Variants in PPP6R2 observed in about 807,000 individuals in gnomAD.
PPP6R2 encodes serine/threonine-protein phosphatase 6 regulatory subunit 2.
In PPP6R2, 62 loss-of-function variants were observed where a neutral mutation model predicts 100.2. That is an observed-to-expected ratio of 0.62 (90% CI 0.50 to 0.76). The LOEUF is 0.76. Ranked by LOEUF, PPP6R2 falls within the 30% of genes least tolerant of loss-of-function variation. PPP6R2 has a pLI of 0.00. For synonymous variants in PPP6R2, 525 were observed against 514.7 expected (o/e 1.02, Z -0.27); for missense variants, 1,142 against 1,276.3 (o/e 0.89, Z 1.60).
the PPP6R2 span, among the ~76,000 whole-genome samples, chr22:50,337,929 G>GTATA: frequency 7.2e-6 from 1 of 139,544 alleles, no homozygotes; most frequent in African/African-American, 2.7e-5. Flanking sequence ...TGGTGTGTGG[G>GTATA]GTGTGTGCAT....
chr22:50,335,255 G>A, the PPP6R2 span, among the ~76,000 whole-genome samples: 1 of 147,322 alleles, frequency 6.8e-6, no homozygotes, highest in African/African-American at 2.5e-5. Context: ...AGTAGAGATG[G>A]GTTTTCACCG....
intron 4 of PPP6R2, among the ~76,000 whole-genome samples, chr22:50,413,669 T>TCCCCCCTCC (rs2060076683): frequency 1.5e-4 from 16 of 104,090 alleles, no homozygotes; most frequent in East Asian, 4.5e-4. Context: ...CCTCCTCCCC[T>TCCCCCCTCC]ACCCCCTCCT....
At chr22:50,371,619 A>G (rs989325176) in intron 1 of PPP6R2, among the ~76,000 whole-genome samples, 4 of 151,738 alleles carry the variant, frequency 2.6e-5, no homozygotes, top group African/African-American at 9.7e-5. Flanking sequence ...ATGCTGTTCC[A>G]TTGCTTTATT....
At chr22:50,342,981 A>T (rs2042577464), upstream of PPP6R2, among the ~76,000 whole-genome samples, 1 of 152,160 alleles carries the variant, frequency 6.6e-6, no homozygotes, top group Non-Finnish European at 1.5e-5. Flanking sequence ...CCACGGGGGA[A>T]ACCCCTGCCC....
intron 10 of PPP6R2, among the ~76,000 whole-genome samples, chr22:50,430,802 A>C (rs1025531467): frequency 6.7e-6 from 1 of 148,486 alleles, no homozygotes; most frequent in Non-Finnish European, 1.5e-5. Flanking sequence ...TGAACCCAGG[A>C]GGCAGGGGTT....
the PPP6R2 span, among the ~76,000 whole-genome samples, chr22:50,335,757 A>G: frequency 7.3e-6 from 1 of 137,254 alleles, no homozygotes; most frequent in African/African-American, 2.9e-5. Flanking sequence ...CTCACTGCAA[A>G]CTCCACCTCC....
At chr22:50,361,317 C>T (rs1355905409) in intron 1 of PPP6R2, among the ~76,000 whole-genome samples, 1 of 152,174 alleles carries the variant, frequency 6.6e-6, no homozygotes, top group Non-Finnish European at 1.5e-5. Flanking sequence ...AGTTCTAGAA[C>T]GGATACTTAC....
At chr22:50,382,351 C>G (rs1209309717) in intron 2 of PPP6R2, among the ~76,000 whole-genome samples, 1 of 151,796 alleles carries the variant, frequency 6.6e-6, no homozygotes, top group Non-Finnish European at 1.5e-5. Context: ...GTAATCCCAG[C>G]ACTTTGGGAG....
intron 13 of PPP6R2, among the ~76,000 whole-genome samples, chr22:50,435,485 G>T (rs556748001): frequency 7.2e-5 from 11 of 152,318 alleles, no homozygotes; most frequent in African/African-American, 2.6e-4. Context: ...TCTCACTCAG[G>T]TGTGAGATTT....
the PPP6R2 span, among the ~76,000 whole-genome samples, chr22:50,334,308 C>T: frequency 6.6e-6 from 1 of 152,364 alleles, no homozygotes; most frequent in African/African-American, 2.4e-5. Context: ...CCTCTAGAGG[C>T]CCTGTCCGGG....
At position 50,393,977 on chromosome 22, in the gene PPP6R2, G is replaced by T. The variant is rs756157196; in HGVS notation, c.69G>T (p.Thr23=). 3.1e-6 allele frequency: 5 copies of T among 1,614,182 alleles called. No homozygotes were observed. Among genetic ancestry groups the T allele is most frequent in the Non-Finnish European group, 4.2e-6 (5 of 1,180,040 alleles). Residue 23 remains threonine, a synonymous_variant, in exon 3 of 24, where the codon ACG becomes ACT. Transcript: ENST00000612753. ...VDKLLDKEHV[T]LQELMDEDDI... is the part of the protein sequence containing the mutation. ...AGCTGCTGGACAAGGAGCATGTGAC[G>T]CTGCAGGAGTTAATGGATGAAGATG...
intron 1 of PPP6R2, among the ~76,000 whole-genome samples, chr22:50,366,761 C>T (rs571836283): frequency 2.6e-5 from 4 of 152,284 alleles, no homozygotes; most frequent in East Asian, 1.9e-4. Context: ...CCTGTGAACT[C>T]GAGCTACCTT....
Position 50,444,297 on chromosome 22 carries a change from T to A in PPP6R2, c.*50T>A. The A allele has an allele frequency of 6.4e-7, 1 of 1,567,632 alleles. No individual in the cohort carries two copies. The highest frequency in any genetic ancestry group is 8.7e-7 in the Non-Finnish European group (1 of 1,153,006). On this transcript the variant is annotated 3_prime_UTR_variant, in exon 24 of 24. Transcript: ENST00000612753. Reference sequence around the variant, plus strand: ...CACCCTGGTCAGGCTGCCTCCTTAATCGAGAAAACTACCTGGTGATGCAAT... The same window carrying A: ...CACCCTGGTCAGGCTGCCTCCTTAAACGAGAAAACTACCTGGTGATGCAAT...
At chr22:50,379,614 G>A (rs2148650423) in intron 2 of PPP6R2, among the ~76,000 whole-genome samples, 1 of 152,252 alleles carries the variant, frequency 6.6e-6, no homozygotes, top group South Asian at 2.1e-4. Context: ...TAGCATTGGA[G>A]GGGTGCAGTG....
chr22:50,386,615 G>C, intron 2 of PPP6R2, among the ~76,000 whole-genome samples: 1 of 152,154 alleles, frequency 6.6e-6, no homozygotes, highest in East Asian at 1.9e-4. Context: ...CTAACAGTCT[G>C]GTCTGCCAGG....
chr22:50,371,118 CAT>C (rs2050114999), intron 1 of PPP6R2, among the ~76,000 whole-genome samples: 1 of 152,168 alleles, frequency 6.6e-6, no homozygotes, highest in Non-Finnish European at 1.5e-5. Flanking sequence ...GCCAATTAAA[CAT>C]AATACTCCAC....
chr22:50,340,466 GGT>G (rs1309796820), upstream of PPP6R2, among the ~76,000 whole-genome samples: 2 of 134,312 alleles, frequency 1.5e-5, no homozygotes, highest in East Asian at 2.2e-4. Context: ...TGTGGTATGT[GGT>G]GTGTGTCTCG....
chr22:50,417,978 C>T (rs1308266635), intron 6 of PPP6R2, among the ~76,000 whole-genome samples: 1 of 152,218 alleles, frequency 6.6e-6, no homozygotes, highest in African/African-American at 2.4e-5. Context: ...ACATTGTCAG[C>T]AGGGGCACGT....
Position 50,401,501 on chromosome 22 carries a change from A to C in PPP6R2, c.228-5188A>C, listed in dbSNP as rs1171759341. On this transcript the variant is annotated intron_variant, in intron 3 of 23. Coordinates refer to ENST00000612753, the MANE Select transcript of PPP6R2 (RefSeq NM_001242898.2). ...GATTACAGGCGTGAGCCACCGCGCC[A>C]GGCCAATTTTTTTTTTTTTTTTCTG... is the stretch of plus-strand genomic sequence containing the variant. Among the ~76,000 whole-genome samples, 90 of 132,552 alleles carry C rather than the reference A, an allele frequency of 6.8e-4. 1 individual carries two copies. Among genetic ancestry groups the C allele is most frequent in the Non-Finnish European group, 7.3e-4 (46 of 63,140 alleles). The allele number at this position is 132,552 out of a possible 152,430, so 87.0% of individuals were successfully genotyped here.
Sources: gnomAD v4.1 joint callset for allele counts (sites outside exome capture counted in the v4.1 genomes callset) on GRCh38, gnomAD v4.1.1 for gene constraint, MANE v1.5 for transcripts, NCBI Gene and HGNC (gene_info 2026-07-23, HGNC 2026-07-21) for gene names.